Variants in MAK observed in about 807,000 individuals in gnomAD.
The protein encoded by MAK is male germ cell associated kinase.
Under a neutral mutation model 82.6 loss-of-function variants are expected in MAK, and 65 were observed. The ratio of observed to expected loss-of-function variants is 0.79; its 90% CI spans 0.64 to 0.97. The LOEUF (loss-of-function observed/expected upper bound fraction) is 0.97, where lower values mean the gene tolerates loss of function less well. MAK is among the 50% of genes least tolerant of loss of function. MAK has a pLI of 0.00. For missense variants in MAK, 703 were observed against 780.2 expected, an observed-to-expected ratio of 0.90 and a Z score of 1.18; for synonymous variants, 250 against 274.2, an observed-to-expected ratio of 0.91 and a Z score of 0.87.
At chr6:10,782,974 A>G (rs928851456) in intron 11 of MAK, among the ~76,000 whole-genome samples, 3 of 152,086 alleles carry the variant, frequency 2.0e-5, no homozygotes, top group African/African-American at 7.2e-5. Flanking sequence ...TCCTGTCTCA[A>G]CCTTTTCTCT....
chr6:10,793,656 C>T lies in MAK; in HGVS notation c.1144-1809G>A, dbSNP rs1775269506. On this transcript the variant is annotated intron_variant, in intron 9 of 14. Coordinates refer to ENST00000354489, the MANE Select transcript of MAK (RefSeq NM_001242957.3). The surrounding 1 kb of genome is among the most constrained non-coding windows in gnomAD (Gnocchi z 4.6). ...ACTTAATCCCAGCTCTGGAACTCAC[C>T]TATATAAAAATGTGTGTGTGGCGGG... 6.6e-6 allele frequency among the ~76,000 whole-genome samples: 1 copy of T among 151,804 alleles called. No homozygotes were observed. The highest frequency in any genetic ancestry group is 2.4e-5 in the African/African-American group (1 of 41,210).
At chr6:10,804,327 A>T (rs1776241085) in intron 6 of MAK, among the ~76,000 whole-genome samples, 1 of 152,144 alleles carries the variant, frequency 6.6e-6, no homozygotes, top group Non-Finnish European at 1.5e-5. Flanking sequence ...GATATCCTCA[A>T]CTGACTCCTC....
At chr6:10,828,354 G>A (rs1362254237) in intron 2 of MAK, among the ~76,000 whole-genome samples, 2 of 152,136 alleles carry the variant, frequency 1.3e-5, no homozygotes, top group Non-Finnish European at 2.9e-5. Flanking sequence ...GCCCAAGGAA[G>A]GAGCCTCTGT....
chr6:10,823,581 A>C (rs1778124292), intron 2 of MAK, among the ~76,000 whole-genome samples: 1 of 152,114 alleles, frequency 6.6e-6, no homozygotes, highest in African/African-American at 2.4e-5. Context: ...CTGGGCTGGA[A>C]TGCAGTGGTG....
chr6:10,803,823 C>T lies in MAK; in HGVS notation c.560G>A (p.Gly187Glu), dbSNP rs932606197. The change falls in exon 7 of 15, where the codon GGA becomes GAA. Residue 187 changes from glycine to glutamate, a missense_variant. Physicochemically the swap from Gly to Glu is moderately conservative, Grantham distance 98. Transcript: ENST00000354489. ...CATATAGAGTTCAGCCATGATACTT[C>T]CAACAGCCCACACATCAATGGGAGA... is the stretch of plus-strand genomic sequence containing the variant. ...YSSPIDVWAV[G>E]SIMAELYMLR... 3.4e-5 allele frequency: 55 copies of T among 1,613,854 alleles called. No homozygotes were observed. Among genetic ancestry groups the T allele is most frequent in the Non-Finnish European group, 4.5e-5 (53 of 1,179,944 alleles).
At chr6:10,777,004 C>T (rs895888273) in intron 11 of MAK, among the ~76,000 whole-genome samples, 1 of 151,332 alleles carries the variant, frequency 6.6e-6, no homozygotes, top group Non-Finnish European at 1.5e-5. Context: ...CCCGAGATCG[C>T]ACCACTGCAC....
chr6:10,766,840 A>T (rs546139767), intron 14 of MAK, among the ~76,000 whole-genome samples: 1 of 150,184 alleles, frequency 6.7e-6, no homozygotes, highest in East Asian at 1.9e-4. Context: ...CCAGGTCATG[A>T]TATCACCTAA....
intron 5 of MAK, among the ~76,000 whole-genome samples, chr6:10,809,813 G>A (rs1776776070): frequency 6.6e-6 from 1 of 152,154 alleles, no homozygotes; most frequent in South Asian, 2.1e-4. Flanking sequence ...AGAAAGCCCA[G>A]TGGGGGCCAG....
chr6:10,818,744 T>G, intron 3 of MAK, 142 bp downstream of exon 3: 1 of 663,558 alleles, frequency 1.5e-6, no homozygotes, highest in Non-Finnish European at 2.7e-6. Context: ...CCAGAAGAAA[T>G]GAGAAATTAA....
In MAK at chr6:10,800,718, A is replaced by G. The variant is rs998485105; in HGVS notation, c.831+1174T>C. Among the ~76,000 whole-genome samples the G allele has an allele frequency of 1.3e-5, 2 of 152,206 alleles. No homozygotes were observed. The highest frequency in any genetic ancestry group is 3.9e-4 in the East Asian group (2 of 5,162). ...GCCAGGCGTGGTGGCTCATGCCTGTAATCTCAGCTACTCGGGAGGCTGAGG... is the reference window on the plus strand; with the variant it reads ...GCCAGGCGTGGTGGCTCATGCCTGTGATCTCAGCTACTCGGGAGGCTGAGG... On this transcript the variant is annotated intron_variant, in intron 8 of 14. Transcript: ENST00000354489. The surrounding 1 kb of genome is among the most constrained non-coding windows in gnomAD (Gnocchi z 4.2).
intron 6 of MAK, 112 bp downstream of exon 6, chr6:10,808,698 A>T (rs1023645687): frequency 1.0e-5 from 11 of 1,061,936 alleles, no homozygotes; most frequent in Non-Finnish European, 1.5e-5. Flanking sequence ...ATAAAATTCA[A>T]TTCTGTGTTT....
At chr6:10,799,244 T>A (rs543495719) in intron 8 of MAK, among the ~76,000 whole-genome samples, 14 of 152,374 alleles carry the variant, frequency 9.2e-5, no homozygotes, top group African/African-American at 3.4e-4. Flanking sequence ...ACAAAATTAC[T>A]TTCTCTTACT....
At chr6:10,812,902 T>C (rs977506022) in intron 5 of MAK, among the ~76,000 whole-genome samples, 2 of 150,210 alleles carry the variant, frequency 1.3e-5, no homozygotes, top group Non-Finnish European at 3.0e-5. Context: ...TAGCTGGGAT[T>C]ATAGGCGCGC....
chr6:10,830,125 G>A (rs992953605), intron 2 of MAK, among the ~76,000 whole-genome samples: 1 of 11,572 alleles, frequency 8.6e-5, no homozygotes. Context: ...CTGTGTGCAC[G>A]TGTGTGTGTG....
Position 10,784,440 on chromosome 6 carries a change from T to G in MAK, c.1449A>C (p.Gln483His). The change falls in exon 11 of 15, where the codon CAA (glutamine) becomes CAC (histidine). Residue 483 changes from glutamine (Q) to histidine (H), a missense_variant. Transcript: ENST00000354489. The part of the protein sequence containing the change: ...APTSKQYYLK[Q>H]SRYLPGVNPK... Reference sequence around the variant, plus strand: ...TCTACTTACCTGGAAGATATCTTGATTGTTTCAAGTAGTACTGTTTAGAGG... The same window carrying G: ...TCTACTTACCTGGAAGATATCTTGAGTGTTTCAAGTAGTACTGTTTAGAGG... The G allele has an allele frequency of 6.2e-7, 1 of 1,614,216 alleles. No individual in the cohort carries two copies. Among genetic ancestry groups the G allele is most frequent in the East Asian group, 2.2e-5 (1 of 44,886 alleles).
At chr6:10,823,416 C>T (rs1231591337) in intron 2 of MAK, among the ~76,000 whole-genome samples, 1 of 152,188 alleles carries the variant, frequency 6.6e-6, no homozygotes, top group East Asian at 1.9e-4. Context: ...AGAATGAAAA[C>T]ACCTTCCAGG....
rs1258638869 is a variant in MAK at position 10,780,292 on chromosome 6, G to T, written c.1465+4132C>A. The T allele has an allele frequency of 9.2e-6, 9 of 975,998 alleles. No individual in the cohort carries two copies. In the Admixed American group the frequency reaches 4.9e-4, roughly 53 times the overall value. 60.5% of individuals were successfully genotyped at this position (975,998 alleles called of 1,614,324 possible). ...AGTTAAAAAGGAAATGATCAAACAG[G>T]TCTCAGAAAACCACATTAGGAAGCA... On this transcript the variant is annotated intron_variant, in intron 11 of 14. Transcript: ENST00000354489.
intron 10 of MAK, among the ~76,000 whole-genome samples, chr6:10,787,507 A>G (rs1774677943): frequency 6.6e-6 from 1 of 152,196 alleles, no homozygotes; most frequent in African/African-American, 2.4e-5. Context: ...GATGATCATA[A>G]TAATAACCAT....
At chr6:10,764,829 C>T (rs1455256415) in intron 14 of MAK, among the ~76,000 whole-genome samples, 1 of 152,078 alleles carries the variant, frequency 6.6e-6, no homozygotes, top group Non-Finnish European at 1.5e-5. Flanking sequence ...GCAGTGGCTC[C>T]TGCCTGTAGT....
Sources: gnomAD v4.1 joint callset for allele counts (sites outside exome capture counted in the v4.1 genomes callset) on GRCh38, gnomAD v4.1.1 for gene constraint, Gnocchi (gnomAD v3.1) non-coding constraint, MANE v1.5 for transcripts, NCBI Gene and HGNC (gene_info 2026-07-23, HGNC 2026-07-21) for gene names.